The following USP12 variants were observed in gnomAD, a reference collection of about 807,000 sequenced individuals.
USP12 encodes the protein ubiquitin carboxyl-terminal hydrolase 12.
Under a neutral mutation model 45.5 loss-of-function variants are expected in USP12, and 19 were observed. That is an observed-to-expected ratio of 0.42 (90% confidence interval 0.29 to 0.61). The LOEUF (loss-of-function observed/expected upper bound fraction) is 0.61, where lower values mean the gene tolerates loss of function less well. Ranked by LOEUF, USP12 falls within the 20% of genes least tolerant of loss-of-function variation. The pLI is 0.22. For missense variants in USP12, 242 were observed against 447.7 expected (o/e 0.54, Z 4.15); for synonymous variants, 149 against 148.8 (o/e 1.00, Z -0.01).
intron 1 of USP12, among the ~76,000 whole-genome samples, chr13:27,138,976 G>A (rs542256606): frequency 6.6e-6 from 1 of 152,272 alleles, no homozygotes; most frequent in African/African-American, 2.4e-5. Flanking sequence ...ACGGTAAGGT[G>A]TATGATCATT....
Position 27,171,682 on chromosome 13 carries a change from G to T in USP12, c.-43C>A. The T allele has an allele frequency of 8.3e-7, 1 of 1,206,722 alleles. No homozygotes were observed. The highest frequency in any genetic ancestry group is 1.1e-6 in the Non-Finnish European group (1 of 939,098). The allele number at this position is 1,206,722 out of a possible 1,614,324, so 74.8% of individuals were successfully genotyped here. A position where few individuals can be genotyped will look rare whatever the true frequency, so the allele number is the denominator to read the frequency against. On this transcript the variant is annotated 5_prime_UTR_variant, in exon 1 of 9. Transcript: ENST00000282344. ...CCACCCAATCACAGCGGCGGCGGCG[G>T]GCGGGGGAGGAGGGGAGCCGGGCCG...
intron 1 of USP12, among the ~76,000 whole-genome samples, chr13:27,145,238 A>T (rs1877259833): frequency 6.6e-6 from 1 of 152,228 alleles, no homozygotes. Flanking sequence ...GGTGGCCAAA[A>T]ACATGAAATT....
At chr13:27,069,441 C>T in intron 8 of USP12, 57 bp from the exon 9 acceptor site, 1 of 1,303,854 alleles carries the variant, frequency 7.7e-7, no homozygotes, top group Non-Finnish European at 1.1e-6. Flanking sequence ...GCCAGAATGG[C>T]TTAAATTTAA....
chr13:27,158,443 T>C (rs1008126825), intron 1 of USP12, among the ~76,000 whole-genome samples: 2 of 152,204 alleles, frequency 1.3e-5, no homozygotes. Flanking sequence ...ATGACAGGGA[T>C]ACATTCTGAG....
chr13:27,133,658 A>G (rs1173437513), intron 1 of USP12, among the ~76,000 whole-genome samples: 1 of 151,756 alleles, frequency 6.6e-6, no homozygotes, highest in Non-Finnish European at 1.5e-5. Flanking sequence ...TTCTACAATA[A>G]TGGGAGAAAT....
At chr13:27,136,826 T>C (rs1876826006) in intron 1 of USP12, among the ~76,000 whole-genome samples, 1 of 152,150 alleles carries the variant, frequency 6.6e-6, no homozygotes, top group African/African-American at 2.4e-5. Context: ...ATTTAAGTAA[T>C]AAAATGATAT....
At chr13:27,094,232 G>A (rs981637606) in intron 4 of USP12, among the ~76,000 whole-genome samples, 1 of 150,620 alleles carries the variant, frequency 6.6e-6, no homozygotes, top group African/African-American at 2.4e-5. Flanking sequence ...GGCCCAGCAC[G>A]GTGGATCATG....
At chr13:27,167,569 G>C (rs541294840) in intron 1 of USP12, among the ~76,000 whole-genome samples, 22 of 151,790 alleles carry the variant, frequency 1.4e-4, no homozygotes, top group Non-Finnish European at 2.8e-4. Context: ...AGAAGCTTAA[G>C]TTTTGTTCCC....
At chr13:27,135,408 C>T (rs964686004) in intron 1 of USP12, among the ~76,000 whole-genome samples, 4 of 152,140 alleles carry the variant, frequency 2.6e-5, no homozygotes, top group South Asian at 2.1e-4. Context: ...TATACTCAAA[C>T]GTTTAAGTAT....
intron 1 of USP12, among the ~76,000 whole-genome samples, chr13:27,170,806 T>A (rs1026977653): frequency 2.0e-5 from 3 of 152,208 alleles, no homozygotes; most frequent in Admixed American, 1.3e-4. Context: ...GGAAAGCTAA[T>A]GCTGCTTTTC....
chr13:27,139,796 A>G (rs183270149), intron 1 of USP12, among the ~76,000 whole-genome samples: 1 of 152,322 alleles, frequency 6.6e-6, no homozygotes, highest in East Asian at 1.9e-4. Flanking sequence ...TATTTTAAAA[A>G]CATTTTCTTA....
At chr13:27,114,595 G>A (rs561660884) in intron 2 of USP12, among the ~76,000 whole-genome samples, 1 of 152,164 alleles carries the variant, frequency 6.6e-6, no homozygotes, top group African/African-American at 2.4e-5. Context: ...ATAGTGACAG[G>A]TAATTAAGAG....
chr13:27,147,910 T>C (rs1043338521), intron 1 of USP12, among the ~76,000 whole-genome samples: 12 of 151,970 alleles, frequency 7.9e-5, no homozygotes, highest in African/African-American at 2.9e-4. Flanking sequence ...GGAGGATCAC[T>C]GGAGCCCAGT....
Position 27,171,587 on chromosome 13 carries a change from C to T in USP12, c.48+5G>A. ...AGCCCCGGCCGCCCGCTCGCCGCCA[C>T]CTACCATGGTACAGATGGAGGCGAA... On this transcript the variant is annotated splice_donor_5th_base_variant and intron_variant, in intron 1 of 8. Transcript: ENST00000282344. The T allele has an allele frequency of 1.6e-6, 2 of 1,263,930 alleles. No homozygotes were observed. Among genetic ancestry groups the T allele is most frequent in the Non-Finnish European group, 2.1e-6 (2 of 970,330 alleles). 78.3% of individuals were successfully genotyped at this position (1,263,930 alleles called of 1,614,324 possible). A position where few individuals can be genotyped will look rare whatever the true frequency, so the allele number is the denominator to read the frequency against.
At chr13:27,128,872 T>G in intron 1 of USP12, among the ~76,000 whole-genome samples, 1 of 152,186 alleles carries the variant, frequency 6.6e-6, no homozygotes, top group East Asian at 1.9e-4. Flanking sequence ...AAAGTATCTG[T>G]AAAGTACCTA....
At position 27,099,410 on chromosome 13, in the gene USP12, T is replaced by C. The variant is rs186846755; in HGVS notation, c.344-3580A>G. On this transcript the variant is annotated intron_variant, in intron 3 of 8. Coordinates refer to ENST00000282344, the MANE Select transcript of USP12 (RefSeq NM_182488.4). ...TATGTTGTCCAGGCTGATCTTGAAC[T>C]CCTAGGCTCAAGCAATCTGCCTGTC... Among the ~76,000 whole-genome samples, 417 of 152,294 alleles carry C rather than the reference T, an allele frequency of 2.7e-3. 2 individuals carry two copies. Among genetic ancestry groups the C allele is most frequent in the African/African-American group, 9.7e-3 (405 of 41,554 alleles).
intron 1 of USP12, among the ~76,000 whole-genome samples, chr13:27,163,768 T>TAAAAAAAAAAAAAAAAAAAAAA (rs34384911): frequency 4.8e-5 from 4 of 83,294 alleles, no homozygotes; most frequent in Non-Finnish European, 4.7e-5. Context: ...AGACCTGTCT[T>TAAAAAAAAAAAAAAAAAAAAAA]AAAAAAAAAA....
chr13:27,098,047 A>C (rs1313706070), intron 3 of USP12, among the ~76,000 whole-genome samples: 2 of 146,062 alleles, frequency 1.4e-5, no homozygotes, highest in East Asian at 4.0e-4. Flanking sequence ...GTGCAACTTC[A>C]TATAGTATTT....
chr13:27,097,104 A>G (rs973492324), intron 3 of USP12, among the ~76,000 whole-genome samples: 6 of 152,072 alleles, frequency 3.9e-5, no homozygotes, highest in East Asian at 1.9e-4. Flanking sequence ...CAATCAATTT[A>G]TAAGAAAAAA....
Sources: allele counts gnomAD v4.1 joint callset (sites outside exome capture counted in the v4.1 genomes callset), GRCh38; gene constraint gnomAD v4.1.1; transcripts MANE v1.5; gene names NCBI Gene and HGNC (gene_info 2026-07-23, HGNC 2026-07-21).